The following SYT10 variants were observed in gnomAD, a reference collection of about 807,000 sequenced individuals.
SYT10 encodes synaptotagmin 10, also known as synaptotagmin-10.
Under a neutral mutation model 51.1 loss-of-function variants are expected in SYT10, and 31 were observed. The observed-to-expected ratio is 0.61, with a 90% CI of 0.46 to 0.82. The LOEUF is 0.82. Among genes scored for constraint, SYT10 ranks in the 40% least tolerant of loss-of-function variants. The pLI is 0.00. For missense variants in SYT10, 603 were observed against 634.0 expected (o/e 0.95, Z 0.53); for synonymous variants, 233 against 225.9 (o/e 1.03, Z -0.28).
Position 33,374,502 on chromosome 12 carries a change from G to GTA in SYT10, c.*2326_*2327dup, listed in dbSNP as rs1465669337. ...GGGCTGTGTAGAGTGAGGGTGTGTT[G>GTA]TATTAAAATTGTTAGGATTACATTT... On this transcript the variant is annotated 3_prime_UTR_variant, in exon 7 of 7. Coordinates refer to ENST00000228567, the MANE Select transcript of SYT10 (RefSeq NM_198992.4). 1 of 149,638 alleles carries GTA rather than the reference G, an allele frequency of 6.7e-6. No homozygotes were observed. The highest frequency in any genetic ancestry group is 2.5e-5 in the African/African-American group (1 of 40,654). The allele number at this position is 149,638 out of a possible 1,614,324, so 9.3% of individuals were successfully genotyped here.
chr12:33,416,658 G>C (rs989479664), intron 2 of SYT10, among the ~76,000 whole-genome samples: 9 of 152,082 alleles, frequency 5.9e-5, no homozygotes, highest in Admixed American at 5.9e-4. Context: ...TCACTATCAT[G>C]TAAATAGCCA....
rs59146095 is a variant in SYT10 at position 33,383,104 on chromosome 12, A to C, written c.1199-584T>G. Among the ~76,000 whole-genome samples the C allele has an allele frequency of 9.4e-3, 1,431 of 152,286 alleles. 31 individuals are homozygous for C. Among genetic ancestry groups the C allele is most frequent in the African/African-American group, 0.032 (1,312 of 41,566 alleles). The stretch of plus-strand genomic sequence containing the variant: ...TTCTGCTACAGCTGACTTGACATCT[A>C]TCCTATTACCCTTACCATCTTAAAT... On this transcript the variant is annotated intron_variant, in intron 4 of 6. Coordinates refer to ENST00000228567, the MANE Select transcript of SYT10 (RefSeq NM_198992.4).
chr12:33,398,665 A>G (rs1468322647), intron 3 of SYT10, among the ~76,000 whole-genome samples: 1 of 152,218 alleles, frequency 6.6e-6, no homozygotes, highest in Non-Finnish European at 1.5e-5. Context: ...CTACTATGAT[A>G]TAATTTTTAG....
intron 3 of SYT10, among the ~76,000 whole-genome samples, chr12:33,386,742 C>T (rs1469646359): frequency 1.3e-5 from 2 of 152,126 alleles, no homozygotes; most frequent in African/African-American, 4.8e-5. Context: ...ATATAACACC[C>T]AGGAGAGCAG....
rs1391645677 is a variant in SYT10 at position 33,407,267 on chromosome 12, C to T, written c.599G>A (p.Gly200Glu). The change falls in exon 3 of 7, where the codon GGA becomes GAA. Residue 200 changes from glycine (G) to glutamate (E), a missense_variant. Gly to Glu is a moderately conservative substitution (Grantham distance 98). Transcript: ENST00000228567. ...SMGTEPVLQR[G>E]ETTTSIGRIK... is the part of the protein sequence containing the mutation. Reference sequence around the variant, plus strand: ...CCTCCCAATGCTGGTTGTTGTTTCTCCTCGTTGTAAAACAGGTTCTGTGCC... The same window carrying T: ...CCTCCCAATGCTGGTTGTTGTTTCTTCTCGTTGTAAAACAGGTTCTGTGCC... The T allele has an allele frequency of 6.2e-7, 1 of 1,613,636 alleles. No individual in the cohort carries two copies. The highest frequency in any genetic ancestry group is 8.5e-7 in the Non-Finnish European group (1 of 1,180,032).
At chr12:33,416,401 G>A (rs956499873) in intron 2 of SYT10, among the ~76,000 whole-genome samples, 1 of 151,998 alleles carries the variant, frequency 6.6e-6, no homozygotes, top group African/African-American at 2.4e-5. Context: ...TCTCTTTTAA[G>A]CTACCACACC....
At chr12:33,436,833 G>C (rs1266102936) in intron 1 of SYT10, among the ~76,000 whole-genome samples, 1 of 152,042 alleles carries the variant, frequency 6.6e-6, no homozygotes, top group African/African-American at 2.4e-5. Context: ...ATACCATCTG[G>C]GCAGTGCTGA....
At chr12:33,398,347 A>C (rs570382370) in intron 3 of SYT10, among the ~76,000 whole-genome samples, 4 of 152,150 alleles carry the variant, frequency 2.6e-5, no homozygotes, top group African/African-American at 9.6e-5. Context: ...CCCCATCTCT[A>C]CTAAAAATAC....
chr12:33,375,622 C>T lies in SYT10; in HGVS notation c.*1208G>A, dbSNP rs1357593921. 6.6e-6 allele frequency: 1 copy of T among 152,044 alleles called. No homozygotes were observed. Among genetic ancestry groups the T allele is most frequent in the African/African-American group, 2.4e-5 (1 of 41,440 alleles). The allele number at this position is 152,044 out of a possible 1,614,324, so 9.4% of individuals were successfully genotyped here. A position where few individuals can be genotyped will look rare whatever the true frequency, so the allele number is the denominator to read the frequency against. ...AGTTTTTACATGTAGTGGCCTGAAC[C>T]TTGATCCTTATGAAGGCAAATGCCT... On this transcript the variant is annotated 3_prime_UTR_variant, in exon 7 of 7. Coordinates refer to ENST00000228567, the MANE Select transcript of SYT10 (RefSeq NM_198992.4).
intron 3 of SYT10, among the ~76,000 whole-genome samples, chr12:33,393,025 C>T (rs1189920743): frequency 7.3e-5 from 7 of 96,018 alleles, no homozygotes; most frequent in East Asian, 4.1e-4. Context: ...TTGCAAAAAC[C>T]GCAATTACTT....
chr12:33,384,407 C>T (rs1279717954), intron 4 of SYT10, among the ~76,000 whole-genome samples: 1 of 151,900 alleles, frequency 6.6e-6, no homozygotes, highest in Non-Finnish European at 1.5e-5. Context: ...ATAGATCTTC[C>T]CCAAATGTCA....
chr12:33,410,737 CTAATATCAGATTAGTGCTA>C (rs1202678633), intron 2 of SYT10, among the ~76,000 whole-genome samples: 1 of 151,362 alleles, frequency 6.6e-6, no homozygotes, highest in East Asian at 1.9e-4. Flanking sequence ...AAATGATATT[CTAATATCAGATTAGTGCTA>C]AAGTATGCCA....
At chr12:33,390,148 T>C (rs1454368387) in intron 3 of SYT10, among the ~76,000 whole-genome samples, 1 of 152,236 alleles carries the variant, frequency 6.6e-6, no homozygotes, top group Non-Finnish European at 1.5e-5. Flanking sequence ...TTGTTTGCTA[T>C]AGTCCTGGCG....
intron 6 of SYT10, among the ~76,000 whole-genome samples, chr12:33,377,418 A>G (rs1866072786): frequency 6.6e-6 from 1 of 151,342 alleles, no homozygotes; most frequent in Non-Finnish European, 1.5e-5. Flanking sequence ...ATTTCTAGGA[A>G]AGAGCAGTAA....
At chr12:33,424,660 AT>A (rs970446185) in intron 2 of SYT10, among the ~76,000 whole-genome samples, 2 of 151,842 alleles carry the variant, frequency 1.3e-5, no homozygotes, top group African/African-American at 2.4e-5. Context: ...TCCCAAAGAC[AT>A]TTTTTCCCCT....
chr12:33,417,567 T>C (rs1365746183), intron 2 of SYT10, among the ~76,000 whole-genome samples: 1 of 152,208 alleles, frequency 6.6e-6, no homozygotes, highest in Non-Finnish European at 1.5e-5. Context: ...ATCAACACAA[T>C]AGTCTTGTGA....
Position 33,439,447 on chromosome 12 carries a change from C to G in SYT10, c.76G>C (p.Ala26Pro), listed in dbSNP as rs1866666363. ...CACTTCTCCCACTCCACCTGGCCGG[C>G]GAAGCACAGCTCGGTGACGATGTGC... The part of the protein sequence containing the change: ...ALHIVTELCF[A>P]GQVEWEKCSG... Residue 26 changes from alanine to proline, a missense_variant, in exon 1 of 7, where the codon GCC (alanine) becomes CCC (proline). Ala to Pro is a conservative substitution (Grantham distance 27). Transcript: ENST00000228567. 6.2e-7 allele frequency: 1 copy of G among 1,614,220 alleles called. No individual in the cohort carries two copies. The highest frequency in any genetic ancestry group is 8.5e-7 in the Non-Finnish European group (1 of 1,180,024).
chr12:33,390,581 A>T (rs1326977616), intron 3 of SYT10, among the ~76,000 whole-genome samples: 2 of 145,914 alleles, frequency 1.4e-5, no homozygotes, highest in Admixed American at 6.8e-5. Context: ...TATATATATA[A>T]AATAAATAAT....
chr12:33,431,698 C>T (rs570867228), intron 1 of SYT10, among the ~76,000 whole-genome samples: 17 of 152,146 alleles, frequency 1.1e-4, no homozygotes, highest in Admixed American at 4.6e-4. Flanking sequence ...TTTGTGTATG[C>T]GCTAAAGCAA....
Sources: allele counts gnomAD v4.1 joint callset (sites outside exome capture counted in the v4.1 genomes callset), GRCh38; gene constraint gnomAD v4.1.1; transcripts MANE v1.5; gene names NCBI Gene and HGNC (gene_info 2026-07-23, HGNC 2026-07-21).